The following CTNNA2 variants were observed in gnomAD, a reference collection of about 807,000 sequenced individuals.
CTNNA2 encodes the protein catenin alpha-2.
Under a neutral mutation model 101.0 loss-of-function variants are expected in CTNNA2, and 42 were observed. That is an observed-to-expected ratio of 0.42 (90% CI 0.32 to 0.54). The LOEUF is 0.54. Ranked by LOEUF, CTNNA2 falls within the 20% of genes least tolerant of loss-of-function variation. The pLI is 0.14. For missense variants in CTNNA2, 871 were observed against 1,223.1 expected, an observed-to-expected ratio of 0.71 and a Z score of 4.29; for synonymous variants, 450 against 456.4, an observed-to-expected ratio of 0.99 and a Z score of 0.18.
At chr2:80,030,042 A>G (rs1695189346) in intron 7 of CTNNA2, among the ~76,000 whole-genome samples, 1 of 152,124 alleles carries the variant, frequency 6.6e-6, no homozygotes, top group Admixed American at 6.5e-5. Flanking sequence ...TGGGGGAAAT[A>G]AAATTGGAAA....
chr2:80,325,611 C>A (rs1679168564), intron 7 of CTNNA2, among the ~76,000 whole-genome samples: 1 of 152,108 alleles, frequency 6.6e-6, no homozygotes, highest in African/African-American at 2.4e-5. Context: ...TCTTTCTCTA[C>A]AATATGAGAA....
rs370663829 is a variant in CTNNA2, at chr2:80,413,483, C to T, written c.1138-5966C>T. Among the ~76,000 whole-genome samples, 15 of 152,180 alleles carry T rather than the reference C, an allele frequency of 9.9e-5. No homozygotes were observed. The East Asian group carries it at 1.2e-3, about 12-fold the overall frequency. On this transcript the variant is annotated intron_variant, in intron 8 of 18. Transcript: ENST00000402739. ...GGCTTTATAGATATGCCTCTCCTCC[C>T]GCTACCTGCTCCCACCCCAACCTGA...
At chr2:79,462,671 T>C (rs901092540) in intron 4 of CTNNA2, among the ~76,000 whole-genome samples, 1 of 152,176 alleles carries the variant, frequency 6.6e-6, no homozygotes, top group Non-Finnish European at 1.5e-5. Context: ...AATTATTAAA[T>C]ATGTGTGGTT....
chr2:80,186,993 C>G (rs1031138720), intron 7 of CTNNA2, among the ~76,000 whole-genome samples: 8 of 152,138 alleles, frequency 5.3e-5, no homozygotes, highest in Non-Finnish European at 1.0e-4. Context: ...TATTAAACAC[C>G]TTGGTGAATT....
Position 80,135,200 on chromosome 2 carries a change from T to C in CTNNA2, c.1056+225403T>C, listed in dbSNP as rs113517162. Among the ~76,000 whole-genome samples the C allele has an allele frequency of 4.2e-3, 640 of 152,262 alleles. 2 individuals are homozygous for C. Among genetic ancestry groups the C allele is most frequent in the East Asian group, 0.021 (107 of 5,166 alleles). ...CAGTTCAGGGCCAACAGAGAGAGAC[T>C]TGGGCTAGGGGCCAACCAGCAGGAC... On this transcript the variant is annotated intron_variant, in intron 7 of 18. Coordinates refer to ENST00000402739, the MANE Select transcript of CTNNA2 (RefSeq NM_001282597.3).
chr2:80,034,612 CCA>C (rs1264069924), intron 7 of CTNNA2, among the ~76,000 whole-genome samples: 1 of 152,078 alleles, frequency 6.6e-6, no homozygotes, highest in Non-Finnish European at 1.5e-5. Context: ...CTTCTGCCTC[CCA>C]CAGTGCTGGG....
chr2:80,318,014 G>A (rs1388859690), intron 7 of CTNNA2, among the ~76,000 whole-genome samples: 1 of 151,902 alleles, frequency 6.6e-6, no homozygotes, highest in Non-Finnish European at 1.5e-5. Flanking sequence ...CTTTCTAAGG[G>A]GTCCCATTCT....
At chr2:80,024,737 C>A (rs529223304) in intron 7 of CTNNA2, among the ~76,000 whole-genome samples, 56 of 152,232 alleles carry the variant, frequency 3.7e-4, no homozygotes, top group Middle Eastern at 6.9e-3. Context: ...CCTGGAGCCC[C>A]AGAGGGTGTA....
intron 7 of CTNNA2, among the ~76,000 whole-genome samples, chr2:80,333,418 G>C (rs1671509543): frequency 6.6e-6 from 1 of 152,196 alleles, no homozygotes; most frequent in South Asian, 2.1e-4. Flanking sequence ...TTTGTTTAGA[G>C]AGCATGTGAG....
intron 3 of CTNNA2, among the ~76,000 whole-genome samples, chr2:79,806,418 T>G (rs543259363): frequency 2.0e-4 from 30 of 152,244 alleles, no homozygotes; most frequent in African/African-American, 7.0e-4. Flanking sequence ...TACAGTGTTA[T>G]GAATAAAATA....
chr2:79,792,383 T>C (rs1318677540), intron 3 of CTNNA2, among the ~76,000 whole-genome samples: 3 of 152,210 alleles, frequency 2.0e-5, no homozygotes, highest in Non-Finnish European at 4.4e-5. Flanking sequence ...TCCTTTCCTG[T>C]AATACAGACT....
At position 80,355,736 on chromosome 2, in the gene CTNNA2, A is replaced by G. The variant is rs528404323; in HGVS notation, c.1057-37475A>G. ...GATGAACTTTTCTATTTTTGTTCCC[A>G]TTGGACAACTTTTTCTTTCTTTCTT... On this transcript the variant is annotated intron_variant, in intron 7 of 18. Transcript: ENST00000402739. 1.1e-3 allele frequency among the ~76,000 whole-genome samples: 162 copies of G among 152,228 alleles called. 1 individual carries two copies. Among genetic ancestry groups the G allele is most frequent in the Non-Finnish European group, 2.2e-3 (148 of 68,002 alleles).
intron 7 of CTNNA2, among the ~76,000 whole-genome samples, chr2:80,260,897 A>G (rs1326184414): frequency 6.6e-6 from 1 of 152,258 alleles, no homozygotes; most frequent in Non-Finnish European, 1.5e-5. Context: ...ATCATTGTAA[A>G]ATATTTAGGT....
intron 4 of CTNNA2, among the ~76,000 whole-genome samples, chr2:79,456,636 A>C (rs938928062): frequency 1.3e-5 from 2 of 152,176 alleles, no homozygotes; most frequent in African/African-American, 4.8e-5. Flanking sequence ...ATTTTATAAC[A>C]TGGACCCACT....
intron 3 of CTNNA2, among the ~76,000 whole-genome samples, chr2:79,829,284 C>T (rs1045469783): frequency 2.0e-5 from 3 of 150,142 alleles, no homozygotes; most frequent in Admixed American, 1.3e-4. Context: ...TTTGGGAGGC[C>T]GAGGTGGGCG....
intron 3 of CTNNA2, among the ~76,000 whole-genome samples, chr2:79,358,546 A>G (rs967067822): frequency 1.4e-4 from 21 of 152,190 alleles, no homozygotes; most frequent in Non-Finnish European, 2.5e-4. Flanking sequence ...CTGTAAAGAA[A>G]CAAGCATTTA....
intron 15 of CTNNA2, among the ~76,000 whole-genome samples, chr2:80,599,245 A>G (rs1280530589): frequency 6.6e-6 from 1 of 152,194 alleles, no homozygotes; most frequent in Non-Finnish European, 1.5e-5. Flanking sequence ...ACATGTGGCT[A>G]GTGACTCCAT....
intron 2 of CTNNA2, among the ~76,000 whole-genome samples, chr2:79,661,451 T>C (rs773606572): frequency 6.6e-6 from 1 of 152,236 alleles, no homozygotes; most frequent in Non-Finnish European, 1.5e-5. Flanking sequence ...AATGACTGTG[T>C]TTAATGTACT....
chr2:80,356,391 A>C lies in CTNNA2; in HGVS notation c.1057-36820A>C, dbSNP rs572437048. On this transcript the variant is annotated intron_variant, in intron 7 of 18. Coordinates refer to ENST00000402739, the MANE Select transcript of CTNNA2 (RefSeq NM_001282597.3). ...TCCACACTGCTGATTCCAACTGCGA[A>C]TCCTGCAATCTCTTAGCCTCTCTGG... Among the ~76,000 whole-genome samples the C allele has an allele frequency of 2.6e-5, 4 of 152,286 alleles. No homozygotes were observed. The South Asian group carries it at 8.3e-4, about 32-fold the overall frequency.
Sources: allele counts gnomAD v4.1 joint callset (sites outside exome capture counted in the v4.1 genomes callset), GRCh38; gene constraint gnomAD v4.1.1; transcripts MANE v1.5; gene names NCBI Gene and HGNC (gene_info 2026-07-23, HGNC 2026-07-21).